The following ADGRL3 variants were observed in gnomAD, a reference collection of about 807,000 sequenced individuals.
ADGRL3 encodes the protein adhesion G protein-coupled receptor L3.
A neutral mutation model predicts 153.5 loss-of-function variants in ADGRL3; 62 were observed. That is an observed-to-expected ratio of 0.40 (90% CI 0.33 to 0.50). The LOEUF (loss-of-function observed/expected upper bound fraction) is 0.50. ADGRL3 is among the 20% of genes least tolerant of loss of function. The pLI, the probability that ADGRL3 is intolerant of heterozygous loss-of-function variation, is 0.47. For synonymous variants in ADGRL3, 710 were observed against 672.5 expected, an observed-to-expected ratio of 1.06 and a Z score of -0.86; for missense variants, 1,641 against 1,859.4, an observed-to-expected ratio of 0.88 and a Z score of 2.16.
At chr4:61,218,305 A>G (rs1035157774) in intron 1 of ADGRL3, among the ~76,000 whole-genome samples, 9 of 119,262 alleles carry the variant, frequency 7.5e-5, no homozygotes, top group South Asian at 2.8e-4. Context: ...AAGAAATATT[A>G]TTAAGTGCTT....
chr4:62,055,724 A>G (rs1736649431), intron 25 of ADGRL3, among the ~76,000 whole-genome samples: 1 of 151,680 alleles, frequency 6.6e-6, no homozygotes, highest in Admixed American at 6.6e-5. Flanking sequence ...CCTGTTTTAT[A>G]AAGTAGCCCG....
intron 2 of ADGRL3, among the ~76,000 whole-genome samples, chr4:61,455,168 C>T (rs376896020): frequency 6.6e-6 from 1 of 152,096 alleles, no homozygotes; most frequent in Non-Finnish European, 1.5e-5. Context: ...GGATTTGGAA[C>T]ACTTCAAAGA....
rs376784591 is a variant in ADGRL3 at position 61,530,873 on chromosome 4, G to A, written c.259+13355G>A. ...CAACACCTGGTGCTTAAAAGTACTA[G>A]AGAACTTATCACATTCTCTTTAATT... On this transcript the variant is annotated intron_variant, in intron 4 of 26. Coordinates refer to ENST00000683033, the MANE Select transcript of ADGRL3 (RefSeq NM_001387552.1). Among the ~76,000 whole-genome samples the A allele has an allele frequency of 2.4e-4, 37 of 152,244 alleles. 1 individual carries two copies. Among genetic ancestry groups the A allele is most frequent in the East Asian group, 2.3e-3 (12 of 5,176 alleles).
At chr4:61,759,889 C>T (rs367843824) in intron 8 of ADGRL3, among the ~76,000 whole-genome samples, 2 of 152,128 alleles carry the variant, frequency 1.3e-5, no homozygotes, top group African/African-American at 2.4e-5. Flanking sequence ...TCCTCTTAAC[C>T]ATCAGGACCC....
chr4:61,664,647 T>C (rs2094719264), intron 5 of ADGRL3, among the ~76,000 whole-genome samples: 1 of 152,188 alleles, frequency 6.6e-6, no homozygotes, highest in African/African-American at 2.4e-5. Flanking sequence ...ATGTATTTAA[T>C]CAGACTATAC....
chr4:61,409,218 T>G (rs1451697348), intron 2 of ADGRL3, among the ~76,000 whole-genome samples: 1 of 144,826 alleles, frequency 6.9e-6, no homozygotes, highest in African/African-American at 2.5e-5. Context: ...TAGACATACA[T>G]AATATATATT....
chr4:62,019,378 A>G (rs989570867), intron 21 of ADGRL3, among the ~76,000 whole-genome samples: 2 of 152,086 alleles, frequency 1.3e-5, no homozygotes, highest in African/African-American at 4.8e-5. Flanking sequence ...ATTTAACTTT[A>G]TTATCATCAG....
chr4:61,370,161 T>G (rs1216188235), intron 1 of ADGRL3, among the ~76,000 whole-genome samples: 2 of 152,186 alleles, frequency 1.3e-5, no homozygotes, highest in African/African-American at 4.8e-5. Context: ...TCAATTTTGT[T>G]GATCCTTTCA....
chr4:61,969,441 CTGTTT>C (rs1299835141), intron 17 of ADGRL3, among the ~76,000 whole-genome samples: 1 of 151,986 alleles, frequency 6.6e-6, no homozygotes, highest in Admixed American at 6.6e-5. Context: ...GTAGACTACT[CTGTTT>C]TGATTTTCTC....
chr4:61,540,669 G>A (rs1172874854), intron 4 of ADGRL3, among the ~76,000 whole-genome samples: 1 of 152,156 alleles, frequency 6.6e-6, no homozygotes, highest in Non-Finnish European at 1.5e-5. Flanking sequence ...AAACTGGATT[G>A]AATGTAGCGA....
intron 9 of ADGRL3, among the ~76,000 whole-genome samples, chr4:61,890,241 C>T (rs180949094): frequency 2.0e-3 from 310 of 152,214 alleles, no homozygotes; most frequent in African/African-American, 7.2e-3. Context: ...TTGCTCAAAA[C>T]GGTCCCTTCA....
intron 1 of ADGRL3, among the ~76,000 whole-genome samples, chr4:61,262,475 A>T (rs2092593144): frequency 1.3e-5 from 2 of 152,058 alleles, no homozygotes; most frequent in Non-Finnish European, 2.9e-5. Context: ...TTTTAAAAAA[A>T]TTGGGCAACA....
At chr4:62,017,522 T>C (rs923722167) in intron 21 of ADGRL3, among the ~76,000 whole-genome samples, 15 of 152,108 alleles carry the variant, frequency 9.9e-5, no homozygotes, top group African/African-American at 2.9e-4. Context: ...TAAATCTTAA[T>C]TGATTATGAT....
intron 5 of ADGRL3, among the ~76,000 whole-genome samples, chr4:61,651,522 A>C (rs2094248508): frequency 1.3e-5 from 2 of 152,096 alleles, no homozygotes; most frequent in Admixed American, 1.3e-4. Context: ...ATAGACTAGT[A>C]TTTGTTTGGG....
chr4:61,443,297 T>C lies in ADGRL3; in HGVS notation c.-173-53824T>C, dbSNP rs191411737. On this transcript the variant is annotated intron_variant, in intron 2 of 26. Transcript: ENST00000683033. ...GTTAAATGAAACTTAAAGGAACTCATGCTCTGAAGAATATTTCAGTGCTGT... is the reference window on the plus strand; with the variant it reads ...GTTAAATGAAACTTAAAGGAACTCACGCTCTGAAGAATATTTCAGTGCTGT... 2.4e-4 allele frequency among the ~76,000 whole-genome samples: 37 copies of C among 152,310 alleles called. 1 individual carries two copies. Among genetic ancestry groups the C allele is most frequent in the African/African-American group, 8.7e-4 (36 of 41,580 alleles).
chr4:61,540,499 G>A (rs2098683334), intron 4 of ADGRL3, among the ~76,000 whole-genome samples: 1 of 151,560 alleles, frequency 6.6e-6, no homozygotes. Context: ...AGTGAGCCAA[G>A]ATTTTGCCAC....
At chr4:62,055,577 T>G (rs1163805840) in intron 25 of ADGRL3, among the ~76,000 whole-genome samples, 1 of 151,852 alleles carries the variant, frequency 6.6e-6, no homozygotes, top group Non-Finnish European at 1.5e-5. Flanking sequence ...TGTAATGTCA[T>G]TGTTCAAATT....
chr4:61,391,855 C>CTTTTTTTTTT lies in ADGRL3; in HGVS notation c.-174+8679_-174+8688dup, dbSNP rs869176171. On this transcript the variant is annotated intron_variant, in intron 2 of 26. Transcript: ENST00000683033. The stretch of plus-strand genomic sequence containing the variant: ...AAAATTATCCAAGTGAAAAATGCTA[C>CTTTTTTTTTT]TTTTTTTTTTTTTTTTTTTTTTGAG... Among the ~76,000 whole-genome samples, 3 of 93,640 alleles carry CTTTTTTTTTT rather than the reference C, an allele frequency of 3.2e-5. 1 individual carries two copies. Among genetic ancestry groups the CTTTTTTTTTT allele is most frequent in the Non-Finnish European group, 6.1e-5 (3 of 49,096 alleles). 61.4% of individuals were successfully genotyped at this position (93,640 alleles called of 152,430 possible). A position where few individuals can be genotyped will look rare whatever the true frequency, so the allele number is the denominator to read the frequency against.
intron 2 of ADGRL3, among the ~76,000 whole-genome samples, chr4:61,443,782 C>T (rs1252422332): frequency 6.6e-6 from 1 of 152,010 alleles, no homozygotes; most frequent in Admixed American, 6.6e-5. Flanking sequence ...TCTCAAATAT[C>T]AAAATCGTTT....
Sources: allele counts gnomAD v4.1 joint callset (sites outside exome capture counted in the v4.1 genomes callset), GRCh38; gene constraint gnomAD v4.1.1; transcripts MANE v1.5; gene names NCBI Gene and HGNC (gene_info 2026-07-23, HGNC 2026-07-21).